The following SLC9A9 variants were observed in gnomAD, a reference collection of about 807,000 sequenced individuals.
The protein encoded by SLC9A9 is solute carrier family 9 member A9, also known as sodium/hydrogen exchanger 9.
A neutral mutation model predicts 77.8 loss-of-function variants in SLC9A9; 62 were observed. That is an observed-to-expected ratio of 0.80 (90% CI 0.65 to 0.98). The LOEUF (loss-of-function observed/expected upper bound fraction) is 0.98. SLC9A9 is among the 50% of genes least tolerant of loss of function. The pLI is 0.00. For synonymous variants in SLC9A9, 320 were observed against 283.5 expected (o/e 1.13, Z -1.29); for missense variants, 775 against 774.9 (o/e 1.00, Z 0.00).
intron 12 of SLC9A9, among the ~76,000 whole-genome samples, chr3:143,425,171 G>A (rs376189048): frequency 1.3e-5 from 2 of 151,362 alleles, no homozygotes; most frequent in Non-Finnish European, 2.9e-5. Flanking sequence ...TATATATATC[G>A]ATTTAATAAA....
chr3:143,374,350 G>A (rs887845190), intron 13 of SLC9A9, among the ~76,000 whole-genome samples: 3 of 149,056 alleles, frequency 2.0e-5, no homozygotes, highest in Non-Finnish European at 3.0e-5. Context: ...GCGTGAACCC[G>A]GGAGGCGGAG....
intron 14 of SLC9A9, chr3:143,313,318 C>T (rs777925140): frequency 6.6e-6 from 1 of 152,230 alleles, no homozygotes; most frequent in Non-Finnish European, 1.5e-5. Context: ...GAGTTGCATG[C>T]TGCAGATTAA....
intron 12 of SLC9A9, 31 bp downstream of exon 12, chr3:143,467,006 A>T: frequency 5.6e-6 from 9 of 1,609,000 alleles, no homozygotes; most frequent in Non-Finnish European, 7.6e-6. Flanking sequence ...ATGCCTCATA[A>T]TGATTTCCTT....
chr3:143,782,247 G>A (rs1576722286), intron 4 of SLC9A9, among the ~76,000 whole-genome samples: 1 of 152,284 alleles, frequency 6.6e-6, no homozygotes, highest in East Asian at 1.9e-4. Context: ...TAGTCTGTCT[G>A]TACTAAATCC....
intron 8 of SLC9A9, among the ~76,000 whole-genome samples, chr3:143,555,333 CCAGTCTTGAA>C (rs1337063107): frequency 6.6e-6 from 1 of 152,182 alleles, no homozygotes; most frequent in Non-Finnish European, 1.5e-5. Flanking sequence ...TATAAATTAT[CCAGTCTTGAA>C]CATATCTTTA....
In SLC9A9 at chr3:143,510,867, A is replaced by G. The variant is rs116011772; in HGVS notation, c.1090-15419T>C. 7.9e-3 allele frequency among the ~76,000 whole-genome samples: 1,197 copies of G among 152,204 alleles called. 18 individuals are homozygous for G. Among genetic ancestry groups the G allele is most frequent in the African/African-American group, 0.027 (1,140 of 41,492 alleles). On this transcript the variant is annotated intron_variant, in intron 9 of 15. Coordinates refer to ENST00000316549, the MANE Select transcript of SLC9A9 (RefSeq NM_173653.4). Reference sequence around the variant, plus strand: ...TACACACTGGAATATCCCCTCAGTAATGTTCAGAAGGAAAAGGGTAAGCTC... The same window carrying G: ...TACACACTGGAATATCCCCTCAGTAGTGTTCAGAAGGAAAAGGGTAAGCTC...
chr3:143,644,294 C>T (rs927607466), intron 6 of SLC9A9, among the ~76,000 whole-genome samples: 3 of 152,168 alleles, frequency 2.0e-5, no homozygotes, highest in African/African-American at 7.2e-5. Context: ...AGAAACCATC[C>T]ACATGGATTT....
chr3:143,280,542 ATT>A (rs58879877), intron 14 of SLC9A9, among the ~76,000 whole-genome samples: 6,426 of 117,858 alleles, frequency 0.055, 238 homozygotes, highest in African/African-American at 0.15. Context: ...CTAGAACTAC[ATT>A]TTTTTTTTTT....
chr3:143,536,955 T>C (rs2108626391), intron 9 of SLC9A9, among the ~76,000 whole-genome samples: 1 of 152,152 alleles, frequency 6.6e-6, no homozygotes, highest in Non-Finnish European at 1.5e-5. Context: ...CTGCACCTCC[T>C]GCCAATTGCA....
intron 2 of SLC9A9, among the ~76,000 whole-genome samples, chr3:143,807,564 G>A (rs188739721): frequency 3.9e-4 from 59 of 152,112 alleles, no homozygotes; most frequent in Middle Eastern, 3.4e-3. Flanking sequence ...AGCTTCCTGG[G>A]TTCAAATCCG....
chr3:143,645,989 G>A (rs1440697935), intron 6 of SLC9A9, among the ~76,000 whole-genome samples: 1 of 152,028 alleles, frequency 6.6e-6, no homozygotes, highest in African/African-American at 2.4e-5. Flanking sequence ...CTGTTTTGCA[G>A]ATAAATGGCC....
intron 4 of SLC9A9, among the ~76,000 whole-genome samples, chr3:143,749,249 G>C (rs972812175): frequency 8.5e-5 from 13 of 152,132 alleles, no homozygotes; most frequent in African/African-American, 3.1e-4. Flanking sequence ...AATAGCTACA[G>C]TATCATTCTT....
chr3:143,772,860 C>T (rs1203741079), intron 4 of SLC9A9, among the ~76,000 whole-genome samples: 1 of 152,178 alleles, frequency 6.6e-6, no homozygotes, highest in African/African-American at 2.4e-5. Flanking sequence ...TCAGAGAACA[C>T]TGACAACTTT....
rs528759830 is a variant in SLC9A9, at chr3:143,709,435, T to C, written c.534-16128A>G. On this transcript the variant is annotated intron_variant, in intron 4 of 15. Coordinates refer to ENST00000316549, the MANE Select transcript of SLC9A9 (RefSeq NM_173653.4). ...CTGGGGTGGGGCCTGGGATTCTCCA[T>C]TTCTAATAAGGTTCCAGGTGGTATC... Among the ~76,000 whole-genome samples, 52 of 152,272 alleles carry C rather than the reference T, an allele frequency of 3.4e-4. 2 individuals are homozygous for C. In the South Asian group the frequency reaches 6.9e-3, roughly 20 times the overall value.
chr3:143,524,046 A>C (rs1837611), intron 9 of SLC9A9, among the ~76,000 whole-genome samples: 15,265 of 152,164 alleles, frequency 0.1, 1,408 homozygotes, highest in East Asian at 0.43. Context: ...GGTCAGATAG[A>C]AGACTGAGAA....
At chr3:143,372,072 C>G in intron 13 of SLC9A9, 1 of 327,454 alleles carries the variant, frequency 3.1e-6, no homozygotes, top group Non-Finnish European at 6.1e-6. Flanking sequence ...ATCATAGATC[C>G]AAATAAATGG....
At chr3:143,837,398 C>G (rs2009593414) in intron 1 of SLC9A9, among the ~76,000 whole-genome samples, 1 of 152,226 alleles carries the variant, frequency 6.6e-6, no homozygotes, top group Non-Finnish European at 1.5e-5. Context: ...GTAGTTACCA[C>G]ATGAAGATTG....
At chr3:143,561,394 A>G (rs1030868080) in intron 8 of SLC9A9, among the ~76,000 whole-genome samples, 1 of 152,214 alleles carries the variant, frequency 6.6e-6, no homozygotes, top group African/African-American at 2.4e-5. Flanking sequence ...ACCTCAAGAA[A>G]CTGGACAAGG....
intron 13 of SLC9A9, among the ~76,000 whole-genome samples, chr3:143,363,827 C>T (rs896699301): frequency 1.3e-5 from 2 of 152,088 alleles, no homozygotes; most frequent in African/African-American, 4.8e-5. Flanking sequence ...GCTATTTTGA[C>T]ATCAATAAAA....
Sources: allele counts gnomAD v4.1 joint callset (sites outside exome capture counted in the v4.1 genomes callset), GRCh38; gene constraint gnomAD v4.1.1; transcripts MANE v1.5; gene names NCBI Gene and HGNC (gene_info 2026-07-23, HGNC 2026-07-21).